Variants in MEP1A observed in about 807,000 individuals in gnomAD.
The protein encoded by MEP1A is N-benzoyl-L-tyrosyl-P-amino-benzoic acid hydrolase subunit alpha.
Under a neutral mutation model 84.5 loss-of-function variants are expected in MEP1A, and 68 were observed. The observed-to-expected ratio is 0.80, with a 90% confidence interval of 0.66 to 0.98. MEP1A has a LOEUF of 0.98. Among genes scored for constraint, MEP1A ranks in the 50% least tolerant of loss-of-function variants. MEP1A has a pLI of 0.00. For synonymous variants in MEP1A, 337 were observed against 336.8 expected (o/e 1.00, Z -0.01); for missense variants, 887 against 919.9 (o/e 0.96, Z 0.46).
At chr6:46,794,665 G>C (rs539036665) in intron 3 of MEP1A, among the ~76,000 whole-genome samples, 70 of 152,334 alleles carry the variant, frequency 4.6e-4, no homozygotes, top group Non-Finnish European at 9.3e-4. Flanking sequence ...CTGGAGAATG[G>C]CTGCATAGGC....
intron 7 of MEP1A, among the ~76,000 whole-genome samples, chr6:46,825,031 A>C (rs1324829242): frequency 2.3e-5 from 2 of 87,410 alleles, no homozygotes; most frequent in Non-Finnish European, 5.7e-5. Flanking sequence ...ATATTTAAAT[A>C]GATCTATTTA....
At chr6:46,838,899 A>G in intron 13 of MEP1A, 81 bp from the exon 14 acceptor site, 1 of 1,255,666 alleles carries the variant, frequency 8.0e-7, no homozygotes. Flanking sequence ...TGCCATTTTT[A>G]TTGCTGTGGA....
At chr6:46,831,471 A>T (rs1195420534) in intron 10 of MEP1A, among the ~76,000 whole-genome samples, 1 of 152,204 alleles carries the variant, frequency 6.6e-6, no homozygotes, top group African/African-American at 2.4e-5. Flanking sequence ...ACTAACAGGG[A>T]TTAAATTTGT....
chr6:46,798,999 T>C, intron 4 of MEP1A, 107 bp from the exon 5 acceptor site: 1 of 731,458 alleles, frequency 1.4e-6, no homozygotes, highest in Non-Finnish European at 2.4e-6. Context: ...ACTAAACTGT[T>C]TGAGTTGTGT....
intron 11 of MEP1A, among the ~76,000 whole-genome samples, chr6:46,833,866 T>C (rs1345314824): frequency 6.6e-6 from 1 of 152,166 alleles, no homozygotes; most frequent in East Asian, 1.9e-4. Context: ...ATTTATCAAA[T>C]ACTTGGAACT....
chr6:46,808,303 T>C (rs552649636), intron 5 of MEP1A, among the ~76,000 whole-genome samples: 1 of 152,150 alleles, frequency 6.6e-6, no homozygotes, highest in South Asian at 2.1e-4. Context: ...CCACAATTAG[T>C]TTATTGACTA....
At chr6:46,805,869 C>T (rs769431644) in intron 5 of MEP1A, among the ~76,000 whole-genome samples, 1 of 151,940 alleles carries the variant, frequency 6.6e-6, no homozygotes, top group African/African-American at 2.4e-5. Flanking sequence ...CTGTGTTTCT[C>T]CTGTCCATCA....
chr6:46,821,304 C>G lies in MEP1A; in HGVS notation c.556+1600C>G, dbSNP rs76200096. Among the ~76,000 whole-genome samples, 1,002 of 152,270 alleles carry G rather than the reference C, an allele frequency of 6.6e-3. 10 individuals are homozygous for G. Among genetic ancestry groups the G allele is most frequent in the African/African-American group, 0.023 (936 of 41,550 alleles). ...ATAGGTCACCAGCTTTGAGCCTAACCACATACTCCGACCATCTTACCACCA... is the reference window on the plus strand; with the variant it reads ...ATAGGTCACCAGCTTTGAGCCTAACGACATACTCCGACCATCTTACCACCA... On this transcript the variant is annotated intron_variant, in intron 7 of 13. Coordinates refer to ENST00000230588, the MANE Select transcript of MEP1A (RefSeq NM_005588.3).
downstream of MEP1A, among the ~76,000 whole-genome samples, chr6:46,839,965 T>G (rs1025072791): frequency 6.6e-6 from 1 of 151,894 alleles, no homozygotes; most frequent in African/African-American, 2.4e-5. Flanking sequence ...TTTTTAGATA[T>G]GCTTTCTTTC....
chr6:46,803,455 G>A (rs2150741662), intron 5 of MEP1A, among the ~76,000 whole-genome samples: 1 of 151,480 alleles, frequency 6.6e-6, no homozygotes, highest in East Asian at 1.9e-4. Flanking sequence ...TTTGATATTG[G>A]CAATTTGTGT....
At chr6:46,809,585 T>G in intron 6 of MEP1A, 48 bp downstream of exon 6, 1 of 1,271,924 alleles carries the variant, frequency 7.9e-7, no homozygotes, top group Non-Finnish European at 1.1e-6. Flanking sequence ...CTTTGGTTCG[T>G]AAGAAGTATT....
At chr6:46,807,606 A>T (rs1261650828) in intron 5 of MEP1A, among the ~76,000 whole-genome samples, 7 of 86,212 alleles carry the variant, frequency 8.1e-5, no homozygotes, top group African/African-American at 3.8e-4. Flanking sequence ...GGAAGGAAGG[A>T]AGGAAGGAAG....
chr6:46,829,776 A>T (rs1768037740), intron 10 of MEP1A, among the ~76,000 whole-genome samples: 1 of 152,180 alleles, frequency 6.6e-6, no homozygotes, highest in African/African-American at 2.4e-5. Context: ...GAGAAATTAG[A>T]AGCAGTATCT....
At chr6:46,797,836 T>TTCTTTCTC (rs1350752447) in intron 3 of MEP1A, among the ~76,000 whole-genome samples, 7 of 138,740 alleles carry the variant, frequency 5.0e-5, no homozygotes, top group East Asian at 2.0e-4. Flanking sequence ...CTTTCTTTCT[T>TTCTTTCTC]TCTCTCTCTC....
intron 5 of MEP1A, among the ~76,000 whole-genome samples, chr6:46,808,437 C>A (rs1267223618): frequency 1.3e-5 from 2 of 151,874 alleles, no homozygotes; most frequent in African/African-American, 4.8e-5. Context: ...ATTTCCTGGC[C>A]AATAGATATA....
At chr6:46,812,454 T>A (rs933267269) in intron 6 of MEP1A, among the ~76,000 whole-genome samples, 35 of 152,062 alleles carry the variant, frequency 2.3e-4, no homozygotes, top group African/African-American at 7.5e-4. Flanking sequence ...TGTATTTTTT[T>A]ATTCCGTTTC....
chr6:46,842,817 C>A (rs544595190), downstream of MEP1A, among the ~76,000 whole-genome samples: 4 of 152,126 alleles, frequency 2.6e-5, no homozygotes, highest in Non-Finnish European at 5.9e-5. Context: ...GATGTTACCC[C>A]CAGAGGCCCA....
intron 5 of MEP1A, among the ~76,000 whole-genome samples, chr6:46,799,598 G>T (rs1241675922): frequency 1.3e-5 from 2 of 151,988 alleles, no homozygotes; most frequent in African/African-American, 4.8e-5. Context: ...TGAGAAATAG[G>T]AAAGTCCATA....
rs1768032149 is a variant in MEP1A, at chr6:46,829,577, T to C, written c.1144+6T>C. 6.2e-7 allele frequency: 1 copy of C among 1,609,188 alleles called. No individual in the cohort carries two copies. ...GAAGGTGCAGACTTTTCAAGGTACTTAGAGGCATTCACACGAGGAATGGAT... is the reference window on the plus strand; with the variant it reads ...GAAGGTGCAGACTTTTCAAGGTACTCAGAGGCATTCACACGAGGAATGGAT... On this transcript the variant is annotated splice_donor_region_variant and intron_variant, in intron 10 of 13. Coordinates refer to ENST00000230588, the MANE Select transcript of MEP1A (RefSeq NM_005588.3).
Sources: gnomAD v4.1 joint callset for allele counts (sites outside exome capture counted in the v4.1 genomes callset) on GRCh38, gnomAD v4.1.1 for gene constraint, MANE v1.5 for transcripts, NCBI Gene and HGNC (gene_info 2026-07-23, HGNC 2026-07-21) for gene names.